The following SMG6 variants were observed in gnomAD, a reference collection of about 807,000 sequenced individuals.
SMG6 encodes the protein SMG6 nonsense mediated mRNA decay factor, also known as telomerase-binding protein EST1A.
A neutral mutation model predicts 142.2 loss-of-function variants in SMG6; 66 were observed. That is an observed-to-expected ratio of 0.46 (90% CI 0.38 to 0.57). SMG6 has a LOEUF of 0.57. SMG6 is among the 20% of genes least tolerant of loss of function. The pLI is 0.00. For missense variants in SMG6, 1,793 were observed against 1,832.0 expected (o/e 0.98, Z 0.39); for synonymous variants, 779 against 702.4 (o/e 1.11, Z -1.72).
intron 13 of SMG6, among the ~76,000 whole-genome samples, chr17:2,143,509 T>A (rs950575920): frequency 9.2e-5 from 14 of 152,104 alleles, no homozygotes; most frequent in Non-Finnish European, 1.9e-4. Flanking sequence ...CCCATTCATA[T>A]GAAAGAAGCA....
chr17:2,067,986 G>C (rs900636112), intron 16 of SMG6, among the ~76,000 whole-genome samples: 2 of 152,122 alleles, frequency 1.3e-5, no homozygotes, highest in African/African-American at 2.4e-5. Context: ...AAACGCCTGG[G>C]CCTCCCAATC....
At chr17:2,188,335 T>C in intron 11 of SMG6, 64 bp downstream of exon 11, 1 of 1,321,506 alleles carries the variant, frequency 7.6e-7, no homozygotes, top group Non-Finnish European at 1.1e-6. Flanking sequence ...AGCATGGCAC[T>C]GTGAGGTCTG....
At chr17:2,245,669 G>C (rs1296163113) in intron 8 of SMG6, among the ~76,000 whole-genome samples, 1 of 152,184 alleles carries the variant, frequency 6.6e-6, no homozygotes, top group Non-Finnish European at 1.5e-5. Context: ...ACAGGCATGA[G>C]CCACTGCACC....
intron 13 of SMG6, chr17:2,088,274 CAT>C (rs1194510299): frequency 4.1e-6 from 4 of 985,284 alleles, no homozygotes; most frequent in Non-Finnish European, 4.8e-6. Context: ...AGAAAAGCCA[CAT>C]GTGTGGATGT....
chr17:2,282,553 C>T (rs946742200), intron 8 of SMG6, 94 bp downstream of exon 8: 52 of 1,234,926 alleles, frequency 4.2e-5, no homozygotes, highest in Admixed American at 3.3e-4. Context: ...TCCTTGCAAT[C>T]AGTGGGAAGT....
chr17:2,244,409 C>A (rs2073883600), intron 9 of SMG6, among the ~76,000 whole-genome samples: 1 of 151,764 alleles, frequency 6.6e-6, no homozygotes, highest in South Asian at 2.1e-4. Context: ...GGGGCTGGGA[C>A]AAGATTGTAT....
chr17:2,268,617 A>G (rs2074475184), intron 8 of SMG6, among the ~76,000 whole-genome samples: 1 of 152,204 alleles, frequency 6.6e-6, no homozygotes, highest in African/African-American at 2.4e-5. Context: ...TACTTAAAAA[A>G]ATACAAAAAT....
At chr17:2,236,399 G>C in intron 10 of SMG6, 93 bp downstream of exon 10, 1 of 1,295,140 alleles carries the variant, frequency 7.7e-7, no homozygotes, top group Non-Finnish European at 1.1e-6. Context: ...GGGGTGGGGG[G>C]AGGTAGGTAT....
At chr17:2,204,879 C>T (rs1323174957) in intron 10 of SMG6, among the ~76,000 whole-genome samples, 2 of 152,100 alleles carry the variant, frequency 1.3e-5, no homozygotes, top group East Asian at 3.9e-4. Context: ...AGGAAGATCG[C>T]TTCAGCCTGG....
intron 12 of SMG6, among the ~76,000 whole-genome samples, chr17:2,178,176 G>A (rs1363198230): frequency 6.6e-6 from 1 of 152,210 alleles, no homozygotes; most frequent in Non-Finnish European, 1.5e-5. Flanking sequence ...TGGTACCTCA[G>A]TGCTAGGTAG....
intron 10 of SMG6, among the ~76,000 whole-genome samples, chr17:2,203,920 C>T (rs1227228304): frequency 6.6e-6 from 1 of 152,148 alleles, no homozygotes; most frequent in Non-Finnish European, 1.5e-5. Flanking sequence ...TGTTCTGCTT[C>T]CATTTTTACA....
At chr17:2,208,708 T>C (rs1480152111) in intron 10 of SMG6, among the ~76,000 whole-genome samples, 1 of 152,232 alleles carries the variant, frequency 6.6e-6, no homozygotes, top group East Asian at 1.9e-4. Flanking sequence ...TTGCTTATGC[T>C]ATCAACTATA....
intron 8 of SMG6, among the ~76,000 whole-genome samples, chr17:2,252,068 C>G (rs2151315415): frequency 6.6e-6 from 1 of 151,076 alleles, no homozygotes; most frequent in East Asian, 1.9e-4. Context: ...CCACTGCACT[C>G]CAGCCTAGGA....
intron 10 of SMG6, among the ~76,000 whole-genome samples, chr17:2,220,526 A>C (rs1173936857): frequency 6.6e-6 from 1 of 152,162 alleles, no homozygotes; most frequent in Non-Finnish European, 1.5e-5. Flanking sequence ...GCTACTTGGG[A>C]GGCTGAGACA....
chr17:2,290,308 T>C (rs907395671), intron 6 of SMG6, among the ~76,000 whole-genome samples: 2 of 152,166 alleles, frequency 1.3e-5, no homozygotes, highest in Admixed American at 6.5e-5. Context: ...AATAAACTTA[T>C]GCAAATATAG....
At chr17:2,181,710 C>T (rs1361076831) in intron 12 of SMG6, among the ~76,000 whole-genome samples, 1 of 152,226 alleles carries the variant, frequency 6.6e-6, no homozygotes, top group Non-Finnish European at 1.5e-5. Flanking sequence ...TGAAGCCCAG[C>T]CGGGGATGGC....
intron 10 of SMG6, among the ~76,000 whole-genome samples, chr17:2,228,166 C>G (rs1255655301): frequency 6.6e-6 from 1 of 152,122 alleles, no homozygotes; most frequent in Non-Finnish European, 1.5e-5. Context: ...TGGGTTCAAG[C>G]AATTCTTGTG....
chr17:2,155,853 C>T (rs983627095), intron 13 of SMG6, among the ~76,000 whole-genome samples: 1 of 152,142 alleles, frequency 6.6e-6, no homozygotes, highest in Non-Finnish European at 1.5e-5. Flanking sequence ...TAATCATCCA[C>T]CGTCTGGTTT....
intron 13 of SMG6, among the ~76,000 whole-genome samples, chr17:2,133,384 C>T (rs2070188347): frequency 6.6e-6 from 1 of 152,128 alleles, no homozygotes; most frequent in African/African-American, 2.4e-5. Flanking sequence ...GAAAAAATGG[C>T]AGCCTTCATA....
Sources: allele counts gnomAD v4.1 joint callset (sites outside exome capture counted in the v4.1 genomes callset), GRCh38; gene constraint gnomAD v4.1.1; transcripts MANE v1.5; gene names NCBI Gene and HGNC (gene_info 2026-07-23, HGNC 2026-07-21).